LONP1: variants seen among roughly 807,000 people sequenced by gnomAD.
The protein encoded by LONP1 is lon peptidase 1, mitochondrial, also known as lon protease homolog, mitochondrial.
Under a neutral mutation model 98.5 loss-of-function variants are expected in LONP1, and 31 were observed. The ratio of observed to expected loss-of-function variants is 0.31; its 90% CI spans 0.24 to 0.42. The LOEUF (loss-of-function observed/expected upper bound fraction) is 0.42, where lower values mean the gene tolerates loss of function less well. LONP1 is among the 20% of genes least tolerant of loss of function. The pLI, the probability that LONP1 is intolerant of heterozygous loss-of-function variation, is 1.00. For synonymous variants in LONP1, 781 were observed against 594.7 expected (o/e 1.31, Z -4.56); for missense variants, 1,336 against 1,350.6 (o/e 0.99, Z 0.17).
chr19:5,714,140 T>C, intron 2 of LONP1, 43 bp downstream of exon 2: 1 of 1,492,738 alleles, frequency 6.7e-7, no homozygotes, highest in South Asian at 1.1e-5. Context: ...AGCTGGACTC[T>C]AGGGCACCGT....
At chr19:5,717,521 T>A (rs1436383982) in intron 1 of LONP1, 1 of 152,284 alleles carries the variant, frequency 6.6e-6, no homozygotes, top group Non-Finnish European at 1.5e-5. Context: ...CTTAGAAGAA[T>A]CATCTCTCTG....
chr19:5,705,145 G>C (rs1045333045), intron 8 of LONP1, among the ~76,000 whole-genome samples: 2 of 149,134 alleles, frequency 1.3e-5, no homozygotes, highest in Non-Finnish European at 3.0e-5. Context: ...CTGGACAACA[G>C]AGCAAGACTC....
At position 5,699,844 on chromosome 19, in the gene LONP1, C is replaced by A. The variant is rs192809584; in HGVS notation, c.1507-639G>T. ...AAGTGCTGGGATTACAGGTGTGAGC[C>A]ACCATGCCCAGGCTCTGACTCCTGT... On this transcript the variant is annotated intron_variant, in intron 9 of 17. Transcript: ENST00000360614. Among the ~76,000 whole-genome samples the A allele has an allele frequency of 8.5e-5, 13 of 152,208 alleles. No individual in the cohort carries two copies. The East Asian group carries it at 2.5e-3, about 29-fold the overall frequency.
At chr19:5,719,560 G>T in intron 1 of LONP1, 144 bp downstream of exon 1, 1 of 1,472,932 alleles carries the variant, frequency 6.8e-7, no homozygotes. Context: ...CTAGTGGTGA[G>T]CAGACAAGGA....
chr19:5,694,370 C>T lies in LONP1; in HGVS notation c.2320+17G>A, dbSNP rs2054885449. The T allele has an allele frequency of 6.2e-7, 1 of 1,609,926 alleles. No homozygotes were observed. The highest frequency in any genetic ancestry group is 2.2e-5 in the East Asian group (1 of 44,776). On this transcript the variant is annotated intron_variant, in intron 15 of 17. Coordinates refer to ENST00000360614, the MANE Select transcript of LONP1 (RefSeq NM_004793.4). Reference sequence around the variant, plus strand: ...AATGGGAATGGCTTTGGGGTCTTCTCCCGCCACCACGCTCACCCATTGCGG... The same window carrying T: ...AATGGGAATGGCTTTGGGGTCTTCTTCCGCCACCACGCTCACCCATTGCGG...
intron 4 of LONP1, among the ~76,000 whole-genome samples, chr19:5,710,278 G>A (rs1284734618): frequency 1.3e-5 from 2 of 151,854 alleles, no homozygotes; most frequent in South Asian, 2.1e-4. Context: ...TAGTAGACAC[G>A]GGGTTTCTCC....
At chr19:5,696,606 G>A in intron 11 of LONP1, 64 bp downstream of exon 11, 1 of 1,478,384 alleles carries the variant, frequency 6.8e-7, no homozygotes, top group Non-Finnish European at 9.3e-7. Flanking sequence ...GACCCGGAAG[G>A]CTCGGCTTCA....
intron 5 of LONP1, chr19:5,708,102 T>G (rs2055176993): frequency 1.6e-6 from 1 of 608,486 alleles, no homozygotes; most frequent in Non-Finnish European, 2.9e-6. Flanking sequence ...CCCCAGCCAA[T>G]GCCACCAACA....
Position 5,694,430 on chromosome 19 carries a change from C to T in LONP1, c.2277G>A (p.Val759=), listed in dbSNP as rs1301289976. 1 of 1,613,430 alleles carries T rather than the reference C, an allele frequency of 6.2e-7. No homozygotes were observed. Among genetic ancestry groups the T allele is most frequent in the East Asian group, 2.2e-5 (1 of 44,902 alleles). Residue 759 remains valine, a synonymous_variant, in exon 15 of 18, where the codon GTG becomes GTA. Transcript: ENST00000360614. Reference sequence around the variant, plus strand: ...GCCCCATGACCACGCCGGGCGGTGTCACGTCATACATGCGCTCCACGGTGA... The same window carrying T: ...GCCCCATGACCACGCCGGGCGGTGTTACGTCATACATGCGCTCCACGGTGA... ...PVFTVERMYD[V]TPPGVVMGLA...
Position 5,693,453 on chromosome 19 carries a change from G to C in LONP1, c.2548C>G (p.Pro850Ala). The stretch of plus-strand genomic sequence containing the variant: ...CAGCCTGCGCTTGGGCCGTCCTTGG[G>C]GGTGGCGCCCTGTGGAGGCATGTGG... ...IHLHVPEGAT[P>A]KDGPSAGCTI... is the part of the protein sequence containing the mutation. The change falls in exon 17 of 18, where the codon CCC (proline) becomes GCC (alanine). Residue 850 changes from proline to alanine, a missense_variant. Physicochemically the swap from Pro to Ala is conservative, Grantham distance 27. Transcript: ENST00000360614. 1 of 1,611,338 alleles carries C rather than the reference G, an allele frequency of 6.2e-7. No individual in the cohort carries two copies.
intron 9 of LONP1, among the ~76,000 whole-genome samples, chr19:5,700,207 G>A (rs2055015149): frequency 6.6e-6 from 1 of 152,192 alleles, no homozygotes; most frequent in Admixed American, 6.5e-5. Context: ...TCTGGCTCCT[G>A]GGTTCAAGCG....
intron 13 of LONP1, 29 bp downstream of exon 13, chr19:5,696,025 G>T: frequency 6.3e-7 from 1 of 1,592,746 alleles, no homozygotes; most frequent in South Asian, 1.1e-5. Flanking sequence ...TCTGGGAAGG[G>T]GACAGCAGTG....
chr19:5,697,004 T>C (rs962995575), intron 10 of LONP1, among the ~76,000 whole-genome samples: 4 of 152,084 alleles, frequency 2.6e-5, no homozygotes, highest in Admixed American at 2.0e-4. Flanking sequence ...CTCAGTCCCA[T>C]CCCTCAGCTG....
At position 5,705,752 on chromosome 19, in the gene LONP1, G is replaced by C; in HGVS notation, c.1367+20C>G. 3 of 1,611,074 alleles carry C rather than the reference G, an allele frequency of 1.9e-6. No individual in the cohort carries two copies. The highest frequency in any genetic ancestry group is 2.5e-6 in the Non-Finnish European group (3 of 1,178,308). ...GGAGGGGTCACCTGAGGGCTGGGCC[G>C]CCCCGGGCCTGGCACTCACTTGAAC... On this transcript the variant is annotated intron_variant, in intron 8 of 17. Transcript: ENST00000360614.
chr19:5,705,575 C>G (rs368063491), intron 8 of LONP1, among the ~76,000 whole-genome samples, 197 bp downstream of exon 8: 1 of 152,172 alleles, frequency 6.6e-6, no homozygotes, highest in Non-Finnish European at 1.5e-5. Flanking sequence ...CCCCGAGCCT[C>G]GATTTCCTTG....
chr19:5,696,165 C>T lies in LONP1; in HGVS notation c.1902G>A (p.Leu634=). 1 of 1,612,942 alleles carries T rather than the reference C, an allele frequency of 6.2e-7. No individual in the cohort carries two copies. Among genetic ancestry groups the T allele is most frequent in the Non-Finnish European group, 8.5e-7 (1 of 1,179,866 alleles). The change falls in exon 13 of 18, where the codon CTG becomes CTA. Residue 634 remains leucine (L), a synonymous_variant. Transcript: ENST00000360614. Reference sequence around the variant, plus strand: ...CCGTGACGTTGGCCGTGCAGATGAACAGCACCTGGGGGCGGCGGCAAGGTG... The same window carrying T: ...CCGTGACGTTGGCCGTGCAGATGAATAGCACCTGGGGGCGGCGGCAAGGTG... The part of the protein sequence containing the change: ...LDVPVDLSKV[L]FICTANVTDT...
At chr19:5,701,324 CTCTCCCCTTTCCACGG>C (rs1182532442) in intron 8 of LONP1, among the ~76,000 whole-genome samples, 12 of 152,140 alleles carry the variant, frequency 7.9e-5, no homozygotes, top group South Asian at 2.1e-4. Flanking sequence ...TGCCCTCTGC[CTCTCCCCTTTCCACGG>C]TCTCCCCTTT....
chr19:5,697,086 G>A (rs745546235), intron 10 of LONP1, among the ~76,000 whole-genome samples: 14 of 152,172 alleles, frequency 9.2e-5, no homozygotes, highest in Non-Finnish European at 2.1e-4. Flanking sequence ...CGCCAGGCAC[G>A]CCTCAGCCCT....
In LONP1 at chr19:5,695,937, G is replaced by GGCA. The variant is rs35420427; in HGVS notation, c.2013+116_2013+117insTGC. 7 of 861,634 alleles carry GGCA rather than the reference G, an allele frequency of 8.1e-6. No individual in the cohort carries two copies. In the African/African-American group the frequency reaches 1.0e-4, roughly 13 times the overall value. The allele number at this position is 861,634 out of a possible 1,614,324, so 53.4% of individuals were successfully genotyped here. ...TCACGGCCCCATCTGCTCCTCGGCC[G>GGCA]CAGGTCCCACCTGTCTCTCCCGGGC... is the stretch of plus-strand genomic sequence containing the variant. On this transcript the variant is annotated intron_variant, in intron 13 of 17. Coordinates refer to ENST00000360614, the MANE Select transcript of LONP1 (RefSeq NM_004793.4).
Sources: allele counts gnomAD v4.1 joint callset (sites outside exome capture counted in the v4.1 genomes callset), GRCh38; gene constraint gnomAD v4.1.1; transcripts MANE v1.5; gene names NCBI Gene and HGNC (gene_info 2026-07-23, HGNC 2026-07-21).